The following LMO3 variants were observed in gnomAD, a reference collection of about 807,000 sequenced individuals.
The protein encoded by LMO3 is LIM domain only protein 3.
LMO3 carries 2 observed loss-of-function variants against 15.8 expected under a neutral mutation model. The ratio of observed to expected loss-of-function variants is 0.13; its 90% confidence interval spans 0.05 to 0.40. The LOEUF (loss-of-function observed/expected upper bound fraction) is 0.40, where lower values mean the gene tolerates loss of function less well. LMO3 is among the 10% of genes least tolerant of loss of function. LMO3 has a pLI of 0.99. For missense variants in LMO3, 86 were observed against 182.2 expected (o/e 0.47, Z 3.04); for synonymous variants, 62 against 63.8 (o/e 0.97, Z 0.13).
chr12:16,548,998 T>C lies in LMO3; in HGVS notation c.*2224A>G, dbSNP rs1941889011. ...ACTTCAAGAAGCTGAGAGAAGTTTG[T>C]TCCCAATTTACAAGTATTTTGACAT... is the stretch of plus-strand genomic sequence containing the variant. On this transcript the variant is annotated 3_prime_UTR_variant, in exon 4 of 4. Transcript: ENST00000537304. The surrounding 1 kb of genome is among the most constrained non-coding windows in gnomAD (Gnocchi z 4.2). 1 of 152,170 alleles carries C rather than the reference T, an allele frequency of 6.6e-6. No individual in the cohort carries two copies. Among genetic ancestry groups the C allele is most frequent in the African/African-American group, 2.4e-5 (1 of 41,430 alleles). The allele number at this position is 152,170 out of a possible 1,614,324, so 9.4% of individuals were successfully genotyped here.
intron 2 of LMO3, among the ~76,000 whole-genome samples, chr12:16,566,536 A>G (rs1942617115): frequency 6.6e-6 from 1 of 152,202 alleles, no homozygotes; most frequent in African/African-American, 2.4e-5. Flanking sequence ...ATGTACCATT[A>G]TAAGGTGCTA....
intron 3 of LMO3, among the ~76,000 whole-genome samples, chr12:16,553,255 T>C (rs1942059910): frequency 6.6e-6 from 1 of 152,112 alleles, no homozygotes; most frequent in Non-Finnish European, 1.5e-5. Context: ...AGTTAAAACG[T>C]TTATAGTAAA....
At chr12:16,609,557 T>C (rs1478204075), upstream of LMO3, among the ~76,000 whole-genome samples, 1 of 151,982 alleles carries the variant, frequency 6.6e-6, no homozygotes, top group East Asian at 1.9e-4. Flanking sequence ...AGACGTTTGA[T>C]GAGAGAATTT....
intron 2 of LMO3, among the ~76,000 whole-genome samples, chr12:16,583,324 A>G (rs555299611): frequency 6.6e-6 from 1 of 152,264 alleles, no homozygotes; most frequent in South Asian, 2.1e-4. Flanking sequence ...TTTTAAAAAA[A>G]TTAGACAATA....
Position 16,593,501 on chromosome 12 carries a change from C to T in LMO3, c.206+7154G>A, listed in dbSNP as rs976767550. ...GCATCAGAAAACACTAACATGATAG[C>T]GCAAAGGAATTCGGCGAAAAGAGAA... is the stretch of plus-strand genomic sequence containing the variant. On this transcript the variant is annotated intron_variant, in intron 2 of 3. Transcript: ENST00000537304. This position sits in a 1 kb window ranked among gnomAD's most constrained non-coding sequence, Gnocchi z 4.2. Among the ~76,000 whole-genome samples the T allele has an allele frequency of 6.6e-6, 1 of 151,634 alleles. No individual in the cohort carries two copies. Among genetic ancestry groups the T allele is most frequent in the Non-Finnish European group, 1.5e-5 (1 of 67,752 alleles).
At chr12:16,601,014 G>T (rs1460974463) in intron 1 of LMO3, 146 bp from the exon 2 acceptor site, 2 of 614,930 alleles carry the variant, frequency 3.3e-6, no homozygotes, top group Non-Finnish European at 5.4e-6. Context: ...ACCCAATTTT[G>T]GAAACAAAAA....
At chr12:16,594,073 A>C in intron 2 of LMO3, 3 of 1,443,388 alleles carry the variant, frequency 2.1e-6, no homozygotes, top group East Asian at 2.5e-5. Context: ...TGAGTGCTAT[A>C]GTTTGCAATA....
In LMO3 at chr12:16,559,725, A is replaced by AG. The variant is rs1942318767; in HGVS notation, c.332+687dup. ...CTGCACTTTGGGAGGTGGAGGTGGG[A>AG]GGATTGCTTGAGGCCAGGAGTTTGA... is the stretch of plus-strand genomic sequence containing the variant. On this transcript the variant is annotated intron_variant, in intron 3 of 3. Coordinates refer to ENST00000537304, the MANE Select transcript of LMO3 (RefSeq NM_018640.5). The surrounding 1 kb of genome is among the most constrained non-coding windows in gnomAD (Gnocchi z 4.1). Among the ~76,000 whole-genome samples, 1 of 151,660 alleles carries AG rather than the reference A, an allele frequency of 6.6e-6. No individual in the cohort carries two copies. Among genetic ancestry groups the AG allele is most frequent in the Admixed American group, 6.6e-5 (1 of 15,220 alleles).
chr12:16,567,075 A>G (rs1301531433), intron 2 of LMO3, among the ~76,000 whole-genome samples: 1 of 152,158 alleles, frequency 6.6e-6, no homozygotes, highest in African/African-American at 2.4e-5. Context: ...AGGCGCCTGT[A>G]TTTCCAGCTA....
rs1300181262 is a variant in LMO3 at position 16,589,992 on chromosome 12, A to G, written c.206+10663T>C. On this transcript the variant is annotated intron_variant, in intron 2 of 3. Transcript: ENST00000537304. This position sits in a 1 kb window ranked among gnomAD's most constrained non-coding sequence, Gnocchi z 4.2. Reference sequence around the variant, plus strand: ...ACCGTTTTTGAAAGCCCACCCATTCATCCTGTACCTCCTTATAAGATTCAA... The same window carrying G: ...ACCGTTTTTGAAAGCCCACCCATTCGTCCTGTACCTCCTTATAAGATTCAA... Among the ~76,000 whole-genome samples the G allele has an allele frequency of 6.6e-6, 1 of 152,066 alleles. No individual in the cohort carries two copies. Among genetic ancestry groups the G allele is most frequent in the East Asian group, 1.9e-4 (1 of 5,180 alleles).
chr12:16,605,436 G>GGCCCCCCC (rs1943957949), intron 1 of LMO3: 20 of 372,614 alleles, frequency 5.4e-5, no homozygotes, highest in Admixed American at 2.6e-4. Flanking sequence ...CTACCCGCCT[G>GGCCCCCCC]CCCCCCCCCC....
intron 2 of LMO3, among the ~76,000 whole-genome samples, chr12:16,574,335 T>C (rs897907739): frequency 6.6e-6 from 1 of 152,212 alleles, no homozygotes; most frequent in Non-Finnish European, 1.5e-5. Context: ...GTCTCTCGGA[T>C]AGTGATTTAG....
Position 16,560,720 on chromosome 12 carries a change from T to C in LMO3, c.207-182A>G. The C allele has an allele frequency of 1.6e-6, 1 of 622,494 alleles. No individual in the cohort carries two copies. Among genetic ancestry groups the C allele is most frequent in the African/African-American group, 1.8e-5 (1 of 54,328 alleles). 38.6% of individuals were successfully genotyped at this position (622,494 alleles called of 1,614,324 possible). ...TTCTGCAATATATTCTCCGTTGACC[T>C]TCCTTGATGAAAATCACATCTTGTT... is the stretch of plus-strand genomic sequence containing the variant. On this transcript the variant is annotated intron_variant, in intron 2 of 3. Transcript: ENST00000537304. The surrounding 1 kb of genome is among the most constrained non-coding windows in gnomAD (Gnocchi z 5.0).
intron 3 of LMO3, among the ~76,000 whole-genome samples, chr12:16,554,843 A>G (rs1942131519): frequency 6.6e-6 from 1 of 151,962 alleles, no homozygotes; most frequent in Non-Finnish European, 1.5e-5. Flanking sequence ...ATTTTTTAGT[A>G]GAGACGGGGT....
chr12:16,554,120 T>A (rs537443111), intron 3 of LMO3, among the ~76,000 whole-genome samples: 2 of 152,292 alleles, frequency 1.3e-5, no homozygotes, highest in African/African-American at 4.8e-5. Flanking sequence ...TTTCTAGATA[T>A]TTTTGAGTGA....
chr12:16,598,919 G>A lies in LMO3; in HGVS notation c.206+1736C>T. 1 of 319,388 alleles carries A rather than the reference G, an allele frequency of 3.1e-6. No individual in the cohort carries two copies. Among genetic ancestry groups the A allele is most frequent in the Non-Finnish European group, 6.3e-6 (1 of 158,934 alleles). 19.8% of individuals were successfully genotyped at this position (319,388 alleles called of 1,614,324 possible). A position where few individuals can be genotyped will look rare whatever the true frequency, so the allele number is the denominator to read the frequency against. ...ATTAAAACACCTTAACATTGCCCGG[G>A]CTATATAAACTCCTTATTTGAAATG... On this transcript the variant is annotated intron_variant, in intron 2 of 3. Transcript: ENST00000537304. This position sits in a 1 kb window ranked among gnomAD's most constrained non-coding sequence, Gnocchi z 4.3.
In LMO3 at chr12:16,587,037, A is replaced by G. The variant is rs140364357; in HGVS notation, c.206+13618T>C. ...TCCAACATATCTCGTCACATCTCAT[A>G]TTTGGTTATTTTCCTTCTCAAAAGG... On this transcript the variant is annotated intron_variant, in intron 2 of 3. Transcript: ENST00000537304. The surrounding 1 kb of genome is among the most constrained non-coding windows in gnomAD (Gnocchi z 4.3). Among the ~76,000 whole-genome samples the G allele has an allele frequency of 3.9e-5, 6 of 152,246 alleles. No individual in the cohort carries two copies. The highest frequency in any genetic ancestry group is 8.8e-5 in the Non-Finnish European group (6 of 68,016).
chr12:16,593,799 C>A lies in LMO3; in HGVS notation c.206+6856G>T, dbSNP rs781481327. On this transcript the variant is annotated intron_variant, in intron 2 of 3. Coordinates refer to ENST00000537304, the MANE Select transcript of LMO3 (RefSeq NM_018640.5). The surrounding 1 kb of genome is among the most constrained non-coding windows in gnomAD (Gnocchi z 4.2). ...AAAGTTAGAAATGAAAAGCTAAATG[C>A]CACATTTCTTGCTTCACAGTATAAA... Among the ~76,000 whole-genome samples the A allele has an allele frequency of 6.6e-5, 10 of 151,722 alleles. No homozygotes were observed. Among genetic ancestry groups the A allele is most frequent in the East Asian group, 1.9e-4 (1 of 5,186 alleles).
At position 16,560,276 on chromosome 12, in the gene LMO3, TG is replaced by T. The variant is rs1252848807; in HGVS notation, c.332+136del. 15 of 877,718 alleles carry T rather than the reference TG, an allele frequency of 1.7e-5. No individual in the cohort carries two copies. The Admixed American group carries it at 4.3e-4, about 25-fold the overall frequency. The allele number at this position is 877,718 out of a possible 1,614,324, so 54.4% of individuals were successfully genotyped here. A position where few individuals can be genotyped will look rare whatever the true frequency, so the allele number is the denominator to read the frequency against. On this transcript the variant is annotated intron_variant, in intron 3 of 3. Transcript: ENST00000537304. This position sits in a 1 kb window ranked among gnomAD's most constrained non-coding sequence, Gnocchi z 5.0. ...TCTCCTTAGTAGCTTGTCTCTGGCA[TG>T]GGATTAAAGTTTACAGAACAGAAAA...
Sources: allele counts gnomAD v4.1 joint callset (sites outside exome capture counted in the v4.1 genomes callset), GRCh38; gene constraint gnomAD v4.1.1; non-coding constraint Gnocchi (gnomAD v3.1); transcripts MANE v1.5; gene names NCBI Gene and HGNC (gene_info 2026-07-23, HGNC 2026-07-21).